Variants in GCH1 observed in about 807,000 individuals in gnomAD.
The protein encoded by GCH1 is GTP cyclohydrolase 1, also known as GTP cyclohydrolase I.
A neutral mutation model predicts 25.9 loss-of-function variants in GCH1; 5 were observed. The ratio of observed to expected loss-of-function variants is 0.19; its 90% CI spans 0.10 to 0.41. The LOEUF is 0.41. GCH1 is among the 10% of genes least tolerant of loss of function. The probability of loss-of-function intolerance (pLI) is 1.00; values close to 1 mark genes in which losing one functional copy is unlikely to be tolerated. For synonymous variants in GCH1, 159 were observed against 129.6 expected (o/e 1.23, Z -1.54); for missense variants, 261 against 336.5 (o/e 0.78, Z 1.75).
intron 1 of GCH1, among the ~76,000 whole-genome samples, chr14:54,892,021 A>G (rs1381436181): frequency 1.3e-5 from 2 of 152,226 alleles, no homozygotes; most frequent in Non-Finnish European, 2.9e-5. Flanking sequence ...CAGTTTATTA[A>G]TGAACAAAAT....
intron 2 of GCH1, among the ~76,000 whole-genome samples, chr14:54,863,844 C>T (rs1462483522): frequency 2.4e-5 from 3 of 125,404 alleles, no homozygotes; most frequent in African/African-American, 3.6e-5. Flanking sequence ...GTGGGGGTTT[C>T]GTTGTTGTTT....
At chr14:54,863,499 CAAAAAAAAAAAA>C (rs1209956263) in intron 2 of GCH1, among the ~76,000 whole-genome samples, 84 of 17,890 alleles carry the variant, frequency 4.7e-3, no homozygotes, top group African/African-American at 0.017. Context: ...TTTGTAATAG[CAAAAAAAAAAAA>C]AAAAAAAAAA....
intron 3 of GCH1, among the ~76,000 whole-genome samples, chr14:54,849,495 AT>A (rs2039693188): frequency 1.3e-5 from 2 of 152,294 alleles, no homozygotes; most frequent in South Asian, 4.1e-4. Context: ...TGCCTTTTAG[AT>A]AATCGATATT....
intron 2 of GCH1, 76 bp from the exon 3 acceptor site, chr14:54,859,812 A>G (rs2039867817): frequency 1.2e-6 from 1 of 805,302 alleles, no homozygotes; most frequent in African/African-American, 1.7e-5. Flanking sequence ...GGAAATATAG[A>G]AAGAATATAG....
chr14:54,884,298 G>A (rs1276612276), intron 1 of GCH1, among the ~76,000 whole-genome samples: 2 of 152,076 alleles, frequency 1.3e-5, no homozygotes, highest in African/African-American at 4.8e-5. Flanking sequence ...AGGTCGAGTA[G>A]GAGGAAAGGT....
At chr14:54,885,031 G>C (rs2040331361) in intron 1 of GCH1, 2 of 274,660 alleles carry the variant, frequency 7.3e-6, no homozygotes, top group Admixed American at 4.2e-5. Context: ...ATGATCTGGT[G>C]CTGTTCCGGT....
intron 1 of GCH1, 28 bp downstream of exon 1, chr14:54,902,293 C>A: frequency 6.2e-7 from 1 of 1,607,514 alleles, no homozygotes; most frequent in Non-Finnish European, 8.5e-7. Flanking sequence ...GCCGCCCGCA[C>A]GCTCTAGCAG....
At chr14:54,889,862 TG>T (rs1299314057) in intron 1 of GCH1, among the ~76,000 whole-genome samples, 1 of 151,976 alleles carries the variant, frequency 6.6e-6, no homozygotes, top group Non-Finnish European at 1.5e-5. Context: ...AATACTAAAT[TG>T]CCCTATATGA....
At chr14:54,902,281 C>G in intron 1 of GCH1, 40 bp downstream of exon 1, 1 of 1,602,748 alleles carries the variant, frequency 6.2e-7, no homozygotes, top group East Asian at 2.2e-5. Context: ...AGCACCGCCC[C>G]CGCCGCCCGC....
At chr14:54,858,961 AC>A (rs2039854974) in intron 3 of GCH1, among the ~76,000 whole-genome samples, 1 of 152,244 alleles carries the variant, frequency 6.6e-6, no homozygotes, top group Non-Finnish European at 1.5e-5. Context: ...TAAGGCATGA[AC>A]CCACAGGATA....
At chr14:54,845,999 T>C (rs1320298947) in intron 4 of GCH1, 147 bp from the exon 5 acceptor site, 1 of 675,928 alleles carries the variant, frequency 1.5e-6, no homozygotes, top group African/African-American at 1.8e-5. Flanking sequence ...GACTGCTTTG[T>C]CTGCTGACTG....
intron 1 of GCH1, among the ~76,000 whole-genome samples, chr14:54,866,309 A>G (rs2039988838): frequency 6.6e-6 from 1 of 152,078 alleles, no homozygotes; most frequent in South Asian, 2.1e-4. Flanking sequence ...ACCAATCATA[A>G]TATAGCCAAG....
rs557028351 is a variant in GCH1 at position 54,902,421 on chromosome 14, C to A, written c.243G>T (p.Ser81=). ...LAAAYSSILS[S]LGENPQRQGL... ...CTTGCCGCTGGGGGTTCTCGCCCAG[C>A]GAGCTCAGGATGGACGAGTAGGCGG... Residue 81 remains serine, a synonymous_variant, in exon 1 of 6, where the codon TCG becomes TCT. Transcript: ENST00000491895. 24 of 1,613,046 alleles carry A rather than the reference C, an allele frequency of 1.5e-5. No homozygotes were observed. The highest frequency in any genetic ancestry group is 2.0e-5 in the Non-Finnish European group (24 of 1,179,820).
rs560626661 is a variant in GCH1 at position 54,854,897 on chromosome 14, G to C, written c.509+4784C>G. Among the ~76,000 whole-genome samples, 6 of 152,302 alleles carry C rather than the reference G, an allele frequency of 3.9e-5. No homozygotes were observed. In the South Asian group the frequency reaches 1.2e-3, roughly 32 times the overall value. On this transcript the variant is annotated intron_variant, in intron 3 of 5. Coordinates refer to ENST00000491895, the MANE Select transcript of GCH1 (RefSeq NM_000161.3). ...CCCTTACCTATGTATCTATTTATTA[G>C]AGTATAAACTGGCATGGTCTCTTTG...
intron 1 of GCH1, among the ~76,000 whole-genome samples, chr14:54,899,395 C>A (rs1280529693): frequency 6.6e-6 from 1 of 152,130 alleles, no homozygotes; most frequent in Non-Finnish European, 1.5e-5. Flanking sequence ...CAGAGTGAGA[C>A]TGCAGTGAGC....
rs377378934 is a variant in GCH1 at position 54,880,755 on chromosome 14, CAT to C, written c.344-15321_344-15320del. ...ATATATACTCCATATATATATACTC[CAT>C]ATATATATATATACTCCATATATAT... is the stretch of plus-strand genomic sequence containing the variant. On this transcript the variant is annotated intron_variant, in intron 1 of 5. Coordinates refer to ENST00000491895, the MANE Select transcript of GCH1 (RefSeq NM_000161.3). Among the ~76,000 whole-genome samples, 117 of 34,070 alleles carry C rather than the reference CAT, an allele frequency of 3.4e-3. 19 individuals carry two copies. The highest frequency in any genetic ancestry group is 9.6e-3 in the South Asian group (12 of 1,250). 22.4% of individuals were successfully genotyped at this position (34,070 alleles called of 152,430 possible).
chr14:54,896,705 G>A (rs146503008), intron 1 of GCH1, among the ~76,000 whole-genome samples: 1 of 151,224 alleles, frequency 6.6e-6, no homozygotes, highest in Non-Finnish European at 1.5e-5. Context: ...AAAGTCAGGA[G>A]ATCAAGACCA....
At chr14:54,881,277 C>T (rs1036997167) in intron 1 of GCH1, among the ~76,000 whole-genome samples, 9 of 152,046 alleles carry the variant, frequency 5.9e-5, no homozygotes, top group Non-Finnish European at 1.0e-4. Context: ...GAGGAGTACA[C>T]AGGAAGACCC....
chr14:54,869,319 G>A (rs1343045083), intron 1 of GCH1, among the ~76,000 whole-genome samples: 7 of 152,160 alleles, frequency 4.6e-5, no homozygotes, highest in East Asian at 1.9e-4. Flanking sequence ...GATTACAGGC[G>A]TGAGCCACCA....
Sources: gnomAD v4.1 joint callset for allele counts (sites outside exome capture counted in the v4.1 genomes callset) on GRCh38, gnomAD v4.1.1 for gene constraint, MANE v1.5 for transcripts, NCBI Gene and HGNC (gene_info 2026-07-23, HGNC 2026-07-21) for gene names.